PELP1: variants seen among roughly 807,000 people sequenced by gnomAD.
PELP1 encodes proline, glutamate and leucine rich protein 1.
In PELP1, 32 loss-of-function variants were observed where a neutral mutation model predicts 95.5. The observed-to-expected ratio is 0.34, with a 90% CI of 0.25 to 0.45. The LOEUF (loss-of-function observed/expected upper bound fraction) is 0.45. PELP1 is among the 20% of genes least tolerant of loss of function. The pLI is 1.00. For synonymous variants in PELP1, 668 were observed against 600.1 expected, an observed-to-expected ratio of 1.11 and a Z score of -1.65; for missense variants, 1,358 against 1,444.8, an observed-to-expected ratio of 0.94 and a Z score of 0.97.
At position 4,675,922 on chromosome 17, in the gene PELP1, C is replaced by A; in HGVS notation, c.981-38G>T. ...AGAGCAGGGAGACCTTCAGAGCAGG[C>A]TCCCTGGCATAACTCCCACACCCAC... is the stretch of plus-strand genomic sequence containing the variant. On this transcript the variant is annotated intron_variant, in intron 8 of 16. Transcript: ENST00000572293. The surrounding 1 kb of genome is among the most constrained non-coding windows in gnomAD (Gnocchi z 4.3). 1.9e-6 allele frequency: 3 copies of A among 1,581,328 alleles called. No homozygotes were observed. Among genetic ancestry groups the A allele is most frequent in the Non-Finnish European group, 2.6e-6 (3 of 1,160,240 alleles).
Position 4,675,439 on chromosome 17 carries a change from C to T in PELP1, c.1069-77G>A, listed in dbSNP as rs1411435480. 1 of 938,112 alleles carries T rather than the reference C, an allele frequency of 1.1e-6. No homozygotes were observed. Among genetic ancestry groups the T allele is most frequent in the African/African-American group, 1.6e-5 (1 of 61,500 alleles). The allele number at this position is 938,112 out of a possible 1,614,324, so 58.1% of individuals were successfully genotyped here. On this transcript the variant is annotated intron_variant, in intron 9 of 16. Coordinates refer to ENST00000572293, the MANE Select transcript of PELP1 (RefSeq NM_014389.3). The surrounding 1 kb of genome is among the most constrained non-coding windows in gnomAD (Gnocchi z 4.3). ...GAGAGAGACAGAAACAGGGAATGAC[C>T]ATTTACATATGTACACATAGGTAAG...
At chr17:4,684,749 C>G (rs889329936) in intron 3 of PELP1, among the ~76,000 whole-genome samples, 3 of 152,126 alleles carry the variant, frequency 2.0e-5, no homozygotes, top group Non-Finnish European at 4.4e-5. Flanking sequence ...GGCTGGAGTG[C>G]AGTGGTGTGA....
At chr17:4,703,797 A>C in intron 1 of PELP1, 66 bp downstream of exon 1, 1 of 1,427,884 alleles carries the variant, frequency 7.0e-7, no homozygotes, top group Non-Finnish European at 9.6e-7. Flanking sequence ...CTGCACCGTA[A>C]TCCCGGCGCA....
chr17:4,676,358 A>G lies in PELP1; in HGVS notation c.852T>C (p.Thr284=), dbSNP rs2150554798. Residue 284 remains threonine, a splice_region_variant and synonymous_variant, in exon 7 of 17, where the codon ACT becomes ACC. Transcript: ENST00000572293. ...LLGALYEGAE[T]APVQNEGPGV... ...CTAACTAGCAGCCCTGGTCCCTACC[A>G]GTCTCTGCTCCCTCGTACAGGGCCC... 1 of 1,612,700 alleles carries G rather than the reference A, an allele frequency of 6.2e-7. No homozygotes were observed. Among genetic ancestry groups the G allele is most frequent in the Non-Finnish European group, 8.5e-7 (1 of 1,179,350 alleles).
intron 3 of PELP1, among the ~76,000 whole-genome samples, chr17:4,686,970 C>A (rs939155771): frequency 6.6e-6 from 1 of 152,202 alleles, no homozygotes; most frequent in Non-Finnish European, 1.5e-5. Flanking sequence ...ATCTCCCCAG[C>A]CACATCTCAT....
chr17:4,684,229 G>A (rs949982077), intron 3 of PELP1, among the ~76,000 whole-genome samples: 1 of 152,016 alleles, frequency 6.6e-6, no homozygotes, highest in African/African-American at 2.4e-5. Flanking sequence ...GCCTACCAAC[G>A]ACACAGGCCC....
Position 4,672,630 on chromosome 17 carries a change from G to A in PELP1, c.2361C>T (p.Ser787=), listed in dbSNP as rs144331998. The A allele has an allele frequency of 3.8e-3, 6,157 of 1,611,054 alleles. 15 individuals are homozygous for A. The highest frequency in any genetic ancestry group is 4.7e-3 in the Non-Finnish European group (5,485 of 1,178,296). Residue 787 remains serine, a synonymous_variant, in exon 16 of 17, where the codon AGC becomes AGT. Transcript: ENST00000572293. ...GAAGCCCCTCGGGCACGATCACCAC[G>A]CTGTCATCAGAGTCACTTTCCAAGG... The part of the protein sequence containing the change: ...EISLESDSDD[S]VVIVPEGLPP...
intron 3 of PELP1, among the ~76,000 whole-genome samples, chr17:4,683,495 A>G (rs1223265189): frequency 7.0e-6 from 1 of 141,986 alleles, no homozygotes; most frequent in South Asian, 2.2e-4. Context: ...CTGGGATTAC[A>G]GGTGTGAGCC....
At chr17:4,682,464 G>A (rs769008498) in intron 5 of PELP1, 38 bp downstream of exon 5, 6 of 1,354,546 alleles carry the variant, frequency 4.4e-6, no homozygotes, top group East Asian at 2.3e-5. Flanking sequence ...AGCTCTCAAC[G>A]CTTACACTGG....
In PELP1 at chr17:4,671,751, T is replaced by C; in HGVS notation, c.3240A>G (p.Pro1080=). 6.5e-7 allele frequency: 1 copy of C among 1,529,594 alleles called. No homozygotes were observed. Among genetic ancestry groups the C allele is most frequent in the Non-Finnish European group, 8.7e-7 (1 of 1,143,510 alleles). The allele number at this position is 1,529,594 out of a possible 1,614,324, so 94.8% of individuals were successfully genotyped here. The change falls in exon 16 of 17, where the codon CCA becomes CCG. Residue 1080 remains proline (P), a synonymous_variant. Transcript: ENST00000572293. ...EDGSDKVQPP[P]ETPAEEEMET... ...CCATCTCTTCTTCTGCAGGTGTCTC[T>C]GGTGGGGGCTGCACCTTGTCACTCC... is the stretch of plus-strand genomic sequence containing the variant.
intron 1 of PELP1, among the ~76,000 whole-genome samples, chr17:4,702,857 T>C (rs1913598644): frequency 6.6e-6 from 1 of 152,192 alleles, no homozygotes; most frequent in Admixed American, 6.5e-5. Context: ...GCAGCTATTA[T>C]GGGCTAGAAA....
intron 3 of PELP1, among the ~76,000 whole-genome samples, chr17:4,690,557 A>G (rs61390367): frequency 0.011 from 1,655 of 152,212 alleles, 33 homozygotes; most frequent in African/African-American, 0.036. Context: ...CCTCGTCTCT[A>G]CTAAAAATAC....
At chr17:4,677,709 A>C (rs1912537152) in intron 5 of PELP1, among the ~76,000 whole-genome samples, 2 of 152,206 alleles carry the variant, frequency 1.3e-5, no homozygotes, top group Admixed American at 1.3e-4. Flanking sequence ...CAGGCGGATC[A>C]CTTGAGCCAA....
chr17:4,688,191 C>T (rs975374961), intron 3 of PELP1, among the ~76,000 whole-genome samples: 11 of 152,148 alleles, frequency 7.2e-5, no homozygotes, highest in Admixed American at 3.3e-4. Context: ...AAACATTAGC[C>T]GGGCGGGGTG....
chr17:4,677,601 A>G (rs1221679749), intron 5 of PELP1, among the ~76,000 whole-genome samples: 1 of 152,168 alleles, frequency 6.6e-6, no homozygotes, highest in Non-Finnish European at 1.5e-5. Context: ...TCGTTGTAAG[A>G]CCTGCTTCTA....
rs1261326624 is a variant in PELP1 at position 4,669,975 on chromosome 17, T to C, written c.*1464A>G. ...GGTCCCATGAAAAAAGAAATGTGTA[T>C]AACTACAGATGTATAGATTAGACAG... On this transcript the variant is annotated 3_prime_UTR_variant, in exon 17 of 17. Coordinates refer to ENST00000572293, the MANE Select transcript of PELP1 (RefSeq NM_014389.3). 3 of 151,944 alleles carry C rather than the reference T, an allele frequency of 2.0e-5. No homozygotes were observed. The highest frequency in any genetic ancestry group is 7.3e-5 in the African/African-American group (3 of 41,252). 9.4% of individuals were successfully genotyped at this position (151,944 alleles called of 1,614,324 possible). A position where few individuals can be genotyped will look rare whatever the true frequency, so the allele number is the denominator to read the frequency against.
Position 4,673,845 on chromosome 17 carries a change from G to A in PELP1, c.1583-171C>T, listed in dbSNP as rs1912341370. Reference sequence around the variant, plus strand: ...TCATAAAAGTACCTCTACTGTATAGGGCCACTGACGGTATTTAATTGAGAC... The same window carrying A: ...TCATAAAAGTACCTCTACTGTATAGAGCCACTGACGGTATTTAATTGAGAC... On this transcript the variant is annotated intron_variant, in intron 13 of 16. Coordinates refer to ENST00000572293, the MANE Select transcript of PELP1 (RefSeq NM_014389.3). This position sits in a 1 kb window ranked among gnomAD's most constrained non-coding sequence, Gnocchi z 5.7. The A allele has an allele frequency of 3.3e-6, 2 of 608,106 alleles. No individual in the cohort carries two copies. Among genetic ancestry groups the A allele is most frequent in the East Asian group, 2.7e-5 (1 of 36,684 alleles). 37.7% of individuals were successfully genotyped at this position (608,106 alleles called of 1,614,324 possible).
Position 4,671,240 on chromosome 17 carries a change from C to A in PELP1, c.*199G>T. The A allele has an allele frequency of 1.7e-6, 1 of 597,282 alleles. No individual in the cohort carries two copies. Among genetic ancestry groups the A allele is most frequent in the Admixed American group, 3.0e-5 (1 of 33,796 alleles). 37.0% of individuals were successfully genotyped at this position (597,282 alleles called of 1,614,324 possible). A position where few individuals can be genotyped will look rare whatever the true frequency, so the allele number is the denominator to read the frequency against. On this transcript the variant is annotated 3_prime_UTR_variant, in exon 17 of 17. Transcript: ENST00000572293. ...TGAGTGATGGGACAGTCCATTACAC[C>A]AATGTCAGTTGTTCCTCTCTGGATC...
rs974154204 is a variant in PELP1, at chr17:4,671,454, T to C, written c.3378A>G (p.Thr1126=). 1 of 1,543,958 alleles carries C rather than the reference T, an allele frequency of 6.5e-7. No homozygotes were observed. Among genetic ancestry groups the C allele is most frequent in the Non-Finnish European group, 9.0e-7 (1 of 1,115,986 alleles). Residue 1126 remains threonine (T), a synonymous_variant, in exon 17 of 17, where the codon ACA becomes ACG. Transcript: ENST00000572293. ...PPDDEKPPPP[T]EPDS ...CAGAAGATGGCTAGGAGTCAGGCTC[T>C]GTGGGAGGTGGTGGCTTCTCATCAT...
Sources: allele counts gnomAD v4.1 joint callset (sites outside exome capture counted in the v4.1 genomes callset), GRCh38; gene constraint gnomAD v4.1.1; non-coding constraint Gnocchi (gnomAD v3.1); transcripts MANE v1.5; gene names NCBI Gene and HGNC (gene_info 2026-07-23, HGNC 2026-07-21).